The following ITGA7 variants were observed in gnomAD, a reference collection of about 807,000 sequenced individuals.
ITGA7 encodes the protein integrin subunit alpha 7.
Under a neutral mutation model 131.6 loss-of-function variants are expected in ITGA7, and 84 were observed. The ratio of observed to expected loss-of-function variants is 0.64; its 90% CI spans 0.54 to 0.77. ITGA7 has a LOEUF of 0.77. Among genes scored for constraint, ITGA7 ranks in the 30% least tolerant of loss-of-function variants. ITGA7 has a pLI of 0.00. For missense variants in ITGA7, 1,399 were observed against 1,482.9 expected, an observed-to-expected ratio of 0.94 and a Z score of 0.93; for synonymous variants, 548 against 600.7, an observed-to-expected ratio of 0.91 and a Z score of 1.28.
chr12:55,702,819 A>G, intron 3 of ITGA7, 53 bp downstream of exon 3: 2 of 1,411,744 alleles, frequency 1.4e-6, no homozygotes, highest in Non-Finnish European at 9.9e-7. Flanking sequence ...CACCATAAAC[A>G]CACACACACA....
At chr12:55,706,628 AGGCCCC>A (rs199775456) in intron 1 of ITGA7, among the ~76,000 whole-genome samples, 3,315 of 152,294 alleles carry the variant, frequency 0.022, 115 homozygotes, top group African/African-American at 0.075. Flanking sequence ...GACCAGTCAC[AGGCCCC>A]TCACAAAAGT....
chr12:55,697,343 C>A (rs1032693360), intron 10 of ITGA7, 66 bp from the exon 11 acceptor site: 13 of 1,575,900 alleles, frequency 8.2e-6, no homozygotes, highest in Non-Finnish European at 1.0e-5. Context: ...ACCCCCACCC[C>A]ATCTGTCACA....
chr12:55,701,472 A>C, intron 3 of ITGA7: 1 of 1,530,006 alleles, frequency 6.5e-7, no homozygotes, highest in Non-Finnish European at 8.9e-7. Flanking sequence ...TGTCTCCCTG[A>C]TCATGTCACA....
At position 55,688,216 on chromosome 12, in the gene ITGA7, C is replaced by T. The variant is rs753715574; in HGVS notation, c.3043G>A (p.Asp1015Asn). 22 of 1,614,060 alleles carry T rather than the reference C, an allele frequency of 1.4e-5. No homozygotes were observed. The highest frequency in any genetic ancestry group is 1.8e-5 in the Non-Finnish European group (21 of 1,180,016). ...CTGCAGCTCACCACTGTGGAGGCAT[C>T]TCGGAGCATCAAGTTCTTTATGGAG... ...KSSIKNLMLR[D>N]ASTVIPVMVY... The change falls in exon 23 of 25, where the codon GAT becomes AAT. Residue 1015 changes from aspartate (D) to asparagine (N), a missense_variant. By Grantham distance (23) the Asp-to-Asn change is conservative (BLOSUM62 1). Transcript: ENST00000257879.
At chr12:55,710,192 C>G (rs1432816454), upstream of ITGA7, among the ~76,000 whole-genome samples, 1 of 151,916 alleles carries the variant, frequency 6.6e-6, no homozygotes, top group Non-Finnish European at 1.5e-5. Flanking sequence ...GAAACCCTGT[C>G]TCTACTAAAA....
chr12:55,685,721 C>A (rs916750833), intron 24 of ITGA7, among the ~76,000 whole-genome samples: 1 of 152,226 alleles, frequency 6.6e-6, no homozygotes. Context: ...ACATGCACCC[C>A]GTGTACTTGT....
chr12:55,703,200 G>C (rs1334920269), intron 1 of ITGA7, 22 bp from the exon 2 acceptor site: 4 of 1,604,090 alleles, frequency 2.5e-6, no homozygotes, highest in Non-Finnish European at 3.4e-6. Context: ...GGCAGGGGCA[G>C]GGACAGGGAC....
chr12:55,699,617 C>T, intron 5 of ITGA7: 1 of 551,320 alleles, frequency 1.8e-6, no homozygotes. Flanking sequence ...AGCCCTGGCC[C>T]TCTCATTCCA....
intron 21 of ITGA7, among the ~76,000 whole-genome samples, chr12:55,689,846 A>C (rs958591028): frequency 6.6e-6 from 1 of 152,156 alleles, no homozygotes; most frequent in South Asian, 2.1e-4. Context: ...ATCTTTGACA[A>C]ACCTGAGAAA....
upstream of ITGA7, chr12:55,707,996 T>G: frequency 8.1e-7 from 1 of 1,236,116 alleles, no homozygotes; most frequent in East Asian, 4.6e-5. Flanking sequence ...CCCAAGCCCG[T>G]CTCCAAGGGG....
At chr12:55,692,302 A>G (rs181038702) in intron 21 of ITGA7, among the ~76,000 whole-genome samples, 1,689 of 150,316 alleles carry the variant, frequency 0.011, 25 homozygotes, top group African/African-American at 0.039. Context: ...CTGTAGTCCC[A>G]GCTACTTAGG....
Position 55,694,280 on chromosome 12 carries a change from A to G in ITGA7, c.2408T>C (p.Ile803Thr), listed in dbSNP as rs764023286. ...HPVSARARVF[I>T]ELPLSIAGMA... Reference sequence around the variant, plus strand: ...CCCTGCAATGGACAGTGGCAGCTCAATGAAGACACGGGCTCGTGCAGAGAC... The same window carrying G: ...CCCTGCAATGGACAGTGGCAGCTCAGTGAAGACACGGGCTCGTGCAGAGAC... The change falls in exon 18 of 25, where the codon ATT becomes ACT. Residue 803 changes from isoleucine (I) to threonine (T), a missense_variant. Coordinates refer to ENST00000257879, the MANE Select transcript of ITGA7 (RefSeq NM_002206.3). The surrounding 1 kb of genome is among the most constrained non-coding windows in gnomAD (Gnocchi z 5.3). The G allele has an allele frequency of 1.2e-6, 2 of 1,614,094 alleles. No individual in the cohort carries two copies. The highest frequency in any genetic ancestry group is 8.5e-7 in the Non-Finnish European group (1 of 1,180,038).
chr12:55,702,989 G>A, intron 2 of ITGA7, 38 bp from the exon 3 acceptor site: 1 of 1,613,344 alleles, frequency 6.2e-7, no homozygotes, highest in Non-Finnish European at 8.5e-7. Flanking sequence ...GAGGGAAGAG[G>A]AGCCCAAGTC....
Position 55,693,299 on chromosome 12 carries a change from A to G in ITGA7, c.2554T>C (p.Ser852Pro). The change falls in exon 20 of 25, where the codon TCG becomes CCG. Residue 852 changes from serine to proline, a missense_variant. Ser to Pro is a moderately conservative substitution (Grantham distance 74). Coordinates refer to ENST00000257879, the MANE Select transcript of ITGA7 (RefSeq NM_002206.3). ...AAGGCAGAGCCCAGGGTTCTGAGCG[A>G]CTGGCCTTGGTTGGAAACCTGTGGG... ...YEVTVSNQGQ[S>P]LRTLGSAFLN... The G allele has an allele frequency of 6.2e-7, 1 of 1,613,776 alleles. No homozygotes were observed. Among genetic ancestry groups the G allele is most frequent in the Non-Finnish European group, 8.5e-7 (1 of 1,179,966 alleles).
chr12:55,713,176 G>A (rs969441486), upstream of ITGA7, among the ~76,000 whole-genome samples: 1 of 152,080 alleles, frequency 6.6e-6, no homozygotes, highest in South Asian at 2.1e-4. Context: ...CCTCTATTTT[G>A]CTTGCTCACT....
intron 19 of ITGA7, 61 bp from the exon 20 acceptor site, chr12:55,693,378 AT>A: frequency 1.5e-6 from 2 of 1,303,750 alleles, no homozygotes; most frequent in Non-Finnish European, 2.2e-6. Context: ...TTTTTTTTTA[AT>A]TTTTTGTAGA....
intron 24 of ITGA7, among the ~76,000 whole-genome samples, chr12:55,686,848 T>A (rs747505595): frequency 6.6e-5 from 10 of 152,218 alleles, no homozygotes; most frequent in African/African-American, 2.4e-4. Context: ...TCCGTGCTTG[T>A]TGGCCTTCTT....
chr12:55,699,922 A>G lies in ITGA7; in HGVS notation c.738T>C (p.Pro246=), dbSNP rs1592460865. 2 of 1,613,968 alleles carry G rather than the reference A, an allele frequency of 1.2e-6. No homozygotes were observed. Among genetic ancestry groups the G allele is most frequent in the Admixed American group, 1.7e-5 (1 of 60,002 alleles). ...PDQLVYKTLD[P]ADRLPGPAGD... ...CGGCTGGTCCTGGGAGCCGGTCAGCAGGGTCCAAAGTTTTATACACCAGCT... is the reference window on the plus strand; with the variant it reads ...CGGCTGGTCCTGGGAGCCGGTCAGCGGGGTCCAAAGTTTTATACACCAGCT... Residue 246 remains proline (P), a synonymous_variant, in exon 5 of 25, where the codon CCT becomes CCC. Transcript: ENST00000257879.
upstream of ITGA7, chr12:55,715,784 G>T (rs1162882761): frequency 2.6e-6 from 1 of 387,122 alleles, no homozygotes; most frequent in East Asian, 5.0e-5. Flanking sequence ...AATGAGGCCA[G>T]GGAGCTTCTG....
Sources: allele counts gnomAD v4.1 joint callset (sites outside exome capture counted in the v4.1 genomes callset), GRCh38; gene constraint gnomAD v4.1.1; non-coding constraint Gnocchi (gnomAD v3.1); transcripts MANE v1.5; gene names NCBI Gene and HGNC (gene_info 2026-07-23, HGNC 2026-07-21).